The following ARHGAP35 variants were observed in gnomAD, a reference collection of about 807,000 sequenced individuals.
ARHGAP35 encodes Rho GTPase activating protein 35, also known as rho GTPase-activating protein 35.
A neutral mutation model predicts 111.1 loss-of-function variants in ARHGAP35; 15 were observed. The ratio of observed to expected loss-of-function variants is 0.13; its 90% CI spans 0.09 to 0.21. The LOEUF is 0.21. ARHGAP35 is among the 10% of genes least tolerant of loss of function. ARHGAP35 has a pLI of 1.00. For missense variants in ARHGAP35, 1,262 were observed against 1,873.0 expected, an observed-to-expected ratio of 0.67 and a Z score of 6.02; for synonymous variants, 643 against 710.3, an observed-to-expected ratio of 0.91 and a Z score of 1.51.
In ARHGAP35 at chr19:47,002,558, T is replaced by G. The variant is rs888523925; in HGVS notation, c.*1870T>G. ...GCCCAGGGTTGGCTGGAAGGTGACATCTGTGTTTCGTTTTAGCTGAGGTTG... is the reference window on the plus strand; with the variant it reads ...GCCCAGGGTTGGCTGGAAGGTGACAGCTGTGTTTCGTTTTAGCTGAGGTTG... On this transcript the variant is annotated 3_prime_UTR_variant, in exon 7 of 7. Transcript: ENST00000672722. 6 of 152,178 alleles carry G rather than the reference T, an allele frequency of 3.9e-5. No homozygotes were observed. Among genetic ancestry groups the G allele is most frequent in the Non-Finnish European group, 8.8e-5 (6 of 68,046 alleles). 9.4% of individuals were successfully genotyped at this position (152,178 alleles called of 1,614,324 possible).
In ARHGAP35 at chr19:46,933,409, A is replaced by G. The variant is rs1190049753; in HGVS notation, c.3682-3855A>G. On this transcript the variant is annotated intron_variant, in intron 2 of 6. Transcript: ENST00000672722. ...GTGATCTGCCAACCTCAGCCTCCCA[A>G]AGTGCTGGAATTACAGGCATGAGCC... 2.0e-5 allele frequency among the ~76,000 whole-genome samples: 3 copies of G among 151,980 alleles called. No individual in the cohort carries two copies. In the South Asian group the frequency reaches 6.2e-4, roughly 32 times the overall value.
intron 1 of ARHGAP35, among the ~76,000 whole-genome samples, chr19:46,890,966 C>T (rs767803737): frequency 3.0e-4 from 46 of 152,242 alleles, no homozygotes; most frequent in Admixed American, 5.2e-4. Context: ...GGTTGTGGCT[C>T]TTTGGCAATA....
chr19:46,861,077 GGCCCCCC>G lies in ARHGAP35; in HGVS notation c.-317_-311del, dbSNP rs533474661. 9.4e-3 allele frequency among the ~76,000 whole-genome samples: 1,421 copies of G among 150,402 alleles called. 19 individuals are homozygous for G. The highest frequency in any genetic ancestry group is 0.03 in the African/African-American group (1,255 of 41,260). Reference sequence around the variant, plus strand: ...GGAACCCGCGAGGGAGGGTCCGCCCGGCCCCCCGCCGCCGGAGCCGCCGCCGCCGCCT... The same window carrying G: ...GGAACCCGCGAGGGAGGGTCCGCCCGGCCGCCGGAGCCGCCGCCGCCGCCT... On this transcript the variant is annotated 5_prime_UTR_variant, in exon 1 of 7. Transcript: ENST00000672722.
chr19:46,863,438 A>C (rs1035952092), intron 1 of ARHGAP35, among the ~76,000 whole-genome samples: 1 of 151,166 alleles, frequency 6.6e-6, no homozygotes, highest in African/African-American at 2.4e-5. Context: ...ATCTTTTTCC[A>C]TTGCCCCATT....
At chr19:46,898,969 G>A (rs1026913587) in intron 1 of ARHGAP35, among the ~76,000 whole-genome samples, 6 of 152,212 alleles carry the variant, frequency 3.9e-5, no homozygotes, top group African/African-American at 1.2e-4. Flanking sequence ...CAGGAAAAAA[G>A]TGGTGTTATC....
chr19:46,900,180 T>G (rs186203648), intron 1 of ARHGAP35, among the ~76,000 whole-genome samples: 1 of 152,198 alleles, frequency 6.6e-6, no homozygotes, highest in African/African-American at 2.4e-5. Context: ...AAATTCACTT[T>G]GATCATAAAC....
chr19:46,872,925 A>G (rs1029843273), intron 1 of ARHGAP35, among the ~76,000 whole-genome samples: 1 of 152,218 alleles, frequency 6.6e-6, no homozygotes, highest in African/African-American at 2.4e-5. Context: ...CCAAATAATA[A>G]CAATGAACTG....
At chr19:46,923,911 ACT>A (rs979299387) in intron 2 of ARHGAP35, among the ~76,000 whole-genome samples, 2 of 148,668 alleles carry the variant, frequency 1.3e-5, no homozygotes, top group African/African-American at 2.5e-5. Flanking sequence ...ACAGAGGGAG[ACT>A]CTGTCTCAAA....
At chr19:46,879,643 G>T (rs1029057490) in intron 1 of ARHGAP35, among the ~76,000 whole-genome samples, 2 of 96,558 alleles carry the variant, frequency 2.1e-5, no homozygotes, top group African/African-American at 3.6e-5. Flanking sequence ...AATTAGCCAC[G>T]CATGGTGGTG....
chr19:46,881,055 C>T lies in ARHGAP35; in HGVS notation c.-189+19846C>T, dbSNP rs953785410. On this transcript the variant is annotated intron_variant, in intron 1 of 6. Coordinates refer to ENST00000672722, the MANE Select transcript of ARHGAP35 (RefSeq NM_004491.5). ...CGCCTCCTGGGTTCAAGCAATTCTC[C>T]GGCCTCAGCCTCCCGAGTAGCTGGG... 7.2e-5 allele frequency among the ~76,000 whole-genome samples: 11 copies of T among 151,870 alleles called. 1 individual carries two copies. Among genetic ancestry groups the T allele is most frequent in the South Asian group, 4.2e-4 (2 of 4,810 alleles).
chr19:46,877,816 C>A (rs951760935), intron 1 of ARHGAP35, among the ~76,000 whole-genome samples: 1 of 151,906 alleles, frequency 6.6e-6, no homozygotes. Flanking sequence ...AGGCAATCCT[C>A]CTGCCTCAGC....
intron 1 of ARHGAP35, among the ~76,000 whole-genome samples, chr19:46,887,526 A>G (rs1296739431): frequency 2.6e-5 from 4 of 152,192 alleles, no homozygotes; most frequent in Non-Finnish European, 5.9e-5. Context: ...AGAAATTGAA[A>G]TAGAAGCTGT....
chr19:46,971,949 C>T (rs147610192), intron 3 of ARHGAP35, among the ~76,000 whole-genome samples: 2,345 of 152,320 alleles, frequency 0.015, 28 homozygotes, highest in Non-Finnish European at 0.027. Context: ...CCAGTTTTTC[C>T]TAGAACTGCT....
In ARHGAP35 at chr19:47,000,526, C is replaced by T. The variant is rs369206275; in HGVS notation, c.4338C>T (p.Gly1446=). The change falls in exon 7 of 7, where the codon GGC becomes GGT. Residue 1446 remains glycine, a synonymous_variant. Coordinates refer to ENST00000672722, the MANE Select transcript of ARHGAP35 (RefSeq NM_004491.5). This position sits in a 1 kb window ranked among gnomAD's most constrained non-coding sequence, Gnocchi z 6.9. ...ATCGGCCCATCACCGAGCCCCCCGG[C>T]GCCAGGCCCAGCTCCCCCTCTGCCG... ...FYNRPITEPP[G]ARPSSPSAVA... 2.8e-5 allele frequency: 45 copies of T among 1,613,554 alleles called. No homozygotes were observed. Among genetic ancestry groups the T allele is most frequent in the African/African-American group, 2.5e-4 (19 of 74,990 alleles).
intron 3 of ARHGAP35, among the ~76,000 whole-genome samples, chr19:46,967,681 A>T (rs2056523176): frequency 6.6e-6 from 1 of 152,196 alleles, no homozygotes; most frequent in Non-Finnish European, 1.5e-5. Context: ...TACCAGCAGG[A>T]TGTGGTCCCT....
Position 46,922,030 on chromosome 19 carries a change from A to C in ARHGAP35, c.3355A>C (p.Ile1119Leu). The C allele has an allele frequency of 1.2e-6, 2 of 1,614,012 alleles. No individual in the cohort carries two copies. The highest frequency in any genetic ancestry group is 1.7e-6 in the Non-Finnish European group (2 of 1,179,886). Residue 1119 changes from isoleucine to leucine, a missense_variant, in exon 2 of 7, where the codon ATT becomes CTT. This residue lies in a region of ARHGAP35 where 579 missense variants were observed against 716.9 expected (regional missense o/e 0.81). Coordinates refer to ENST00000672722, the MANE Select transcript of ARHGAP35 (RefSeq NM_004491.5). The surrounding 1 kb of genome is among the most constrained non-coding windows in gnomAD (Gnocchi z 4.0). Reference sequence around the variant, plus strand: ...CAGCACCCAAGGCAAAATCATCACCATTCGGAATATCAACAAAGCCCAGTC... The same window carrying C: ...CAGCACCCAAGGCAAAATCATCACCCTTCGGAATATCAACAAAGCCCAGTC... ...HDSTQGKIITIRNINKAQSNG... is the reference protein window; with the variant it reads ...HDSTQGKIITLRNINKAQSNG...
At chr19:46,948,655 G>T (rs956775799) in intron 3 of ARHGAP35, 8 of 152,194 alleles carry the variant, frequency 5.3e-5, no homozygotes, top group African/African-American at 1.9e-4. Flanking sequence ...AGTGATGGAA[G>T]CCAGACACAC....
rs2056596250 is a variant in ARHGAP35 at position 46,978,679 on chromosome 19, GT to G, written c.3827-9309del. Among the ~76,000 whole-genome samples the G allele has an allele frequency of 2.1e-5, 3 of 142,550 alleles. No individual in the cohort carries two copies. The South Asian group carries it at 6.8e-4, about 33-fold the overall frequency. The allele number at this position is 142,550 out of a possible 152,430, so 93.5% of individuals were successfully genotyped here. Reference sequence around the variant, plus strand: ...GGTGGGTGTGTGTGGTGGGGTTTGTGTGGTGGGATGTGTGTGTGGTGGGGCA... The same window carrying G: ...GGTGGGTGTGTGTGGTGGGGTTTGTGGGTGGGATGTGTGTGTGGTGGGGCA... On this transcript the variant is annotated intron_variant, in intron 3 of 6. Transcript: ENST00000672722.
At chr19:46,956,525 T>G (rs943256544) in intron 3 of ARHGAP35, among the ~76,000 whole-genome samples, 7 of 151,598 alleles carry the variant, frequency 4.6e-5, no homozygotes, top group South Asian at 2.1e-4. Flanking sequence ...GTTCAAGCAA[T>G]TCTCCTGCCT....
Sources: gnomAD v4.1 joint callset for allele counts (sites outside exome capture counted in the v4.1 genomes callset) on GRCh38, gnomAD v4.1.1 for gene constraint, gnomAD v4.1.1 regional missense constraint, Gnocchi (gnomAD v3.1) non-coding constraint, MANE v1.5 for transcripts, NCBI Gene and HGNC (gene_info 2026-07-23, HGNC 2026-07-21) for gene names.